PACRG: variants seen among roughly 807,000 people sequenced by gnomAD.
The protein encoded by PACRG is parkin coregulated.
In PACRG, 29 loss-of-function variants were observed where a neutral mutation model predicts 29.7. That is an observed-to-expected ratio of 0.98 (90% confidence interval 0.73 to 1.33). The LOEUF is 1.33. Among genes scored for constraint, PACRG ranks in the 40% most tolerant of loss-of-function variants. PACRG has a pLI of 0.00. For missense variants in PACRG, 279 were observed against 316.2 expected (o/e 0.88, Z 0.89); for synonymous variants, 116 against 118.7 (o/e 0.98, Z 0.15).
chr6:162,800,826 A>G (rs1248598354), intron 1 of PACRG, among the ~76,000 whole-genome samples: 1 of 152,146 alleles, frequency 6.6e-6, no homozygotes, highest in East Asian at 1.9e-4. Flanking sequence ...TGTTGCCTGT[A>G]GTGCCTTATT....
intron 2 of PACRG, among the ~76,000 whole-genome samples, chr6:162,838,940 G>T (rs1789502285): frequency 1.4e-5 from 2 of 143,770 alleles, no homozygotes; most frequent in Non-Finnish European, 1.5e-5. Context: ...TTTTATGGCT[G>T]CATAGTATTC....
intron 4 of PACRG, among the ~76,000 whole-genome samples, chr6:163,240,538 C>T (rs897270797): frequency 1.3e-5 from 2 of 152,058 alleles, no homozygotes; most frequent in Admixed American, 1.3e-4. Context: ...TGGGGTGACT[C>T]CCACCTCCTT....
In PACRG at chr6:163,098,760, G is replaced by A. The variant is rs150647199; in HGVS notation, c.613+9352G>A. 4.6e-3 allele frequency among the ~76,000 whole-genome samples: 704 copies of A among 152,304 alleles called. 13 individuals are homozygous for A. The East Asian group carries it at 0.065, about 14-fold the overall frequency. On this transcript the variant is annotated intron_variant, in intron 4 of 4. Transcript: ENST00000366888. ...TACTCCATAGACAGAGCAGCCCCAA[G>A]GGCTGCTGGTTGCCCATTTTTATGG...
intron 4 of PACRG, among the ~76,000 whole-genome samples, chr6:163,138,741 C>A (rs941156981): frequency 2.0e-5 from 3 of 152,310 alleles, no homozygotes; most frequent in East Asian, 3.9e-4. Context: ...GGGTTGGAGA[C>A]CCTGCTTGGA....
chr6:163,181,171 G>T (rs1268868341), intron 4 of PACRG, among the ~76,000 whole-genome samples: 1 of 152,140 alleles, frequency 6.6e-6, no homozygotes, highest in East Asian at 1.9e-4. Flanking sequence ...CTGGAACCAG[G>T]GTCTGAAACC....
In PACRG at chr6:162,950,348, GA is replaced by G. The variant is rs200078156; in HGVS notation, c.292-111792del. Reference sequence around the variant, plus strand: ...CCGTCTCTACTAAAAATACAAAAAAGAAAAAAAAAATTAGCCGGGCGTGGTG... The same window carrying G: ...CCGTCTCTACTAAAAATACAAAAAAGAAAAAAAAATTAGCCGGGCGTGGTG... On this transcript the variant is annotated intron_variant, in intron 2 of 4. Coordinates refer to ENST00000366888, the MANE Select transcript of PACRG (RefSeq NM_001080379.2). 3.1e-4 allele frequency among the ~76,000 whole-genome samples: 46 copies of G among 149,356 alleles called. No homozygotes were observed. In the Middle Eastern group the frequency reaches 0.01, roughly 34 times the overall value.
At chr6:163,015,002 T>C (rs1199427891) in intron 2 of PACRG, among the ~76,000 whole-genome samples, 1 of 152,240 alleles carries the variant, frequency 6.6e-6, no homozygotes, top group Non-Finnish European at 1.5e-5. Context: ...AAATTCTCAA[T>C]TCATCTTGAG....
chr6:163,312,943 T>G (rs745965792), intron 4 of PACRG: 1 of 263,676 alleles, frequency 3.8e-6, no homozygotes, highest in Non-Finnish European at 7.5e-6. Context: ...TTTATAGAGA[T>G]GGGGTCTTGC....
intron 4 of PACRG, among the ~76,000 whole-genome samples, chr6:163,264,606 G>A (rs1783458004): frequency 6.6e-6 from 1 of 152,188 alleles, no homozygotes; most frequent in Admixed American, 6.5e-5. Flanking sequence ...AGAGATTGGT[G>A]GGGCAGCTGA....
intron 1 of PACRG, among the ~76,000 whole-genome samples, chr6:162,809,523 G>A (rs1192941337): frequency 2.6e-5 from 4 of 152,234 alleles, no homozygotes; most frequent in East Asian, 1.9e-4. Flanking sequence ...TATCTATATC[G>A]ATTTATGAAT....
chr6:162,824,111 C>T (rs1192173385), intron 2 of PACRG, among the ~76,000 whole-genome samples: 2 of 152,102 alleles, frequency 1.3e-5, no homozygotes, highest in Non-Finnish European at 2.9e-5. Context: ...CTTTCTAGGA[C>T]AGAATGCAAT....
At chr6:162,801,075 G>T (rs1204534142) in intron 1 of PACRG, among the ~76,000 whole-genome samples, 1 of 152,172 alleles carries the variant, frequency 6.6e-6, no homozygotes, top group Non-Finnish European at 1.5e-5. Context: ...TGAAAAACCA[G>T]CTGTAGTACC....
intron 1 of PACRG, among the ~76,000 whole-genome samples, chr6:162,774,158 A>G (rs1783459654): frequency 6.6e-6 from 1 of 152,168 alleles, no homozygotes; most frequent in South Asian, 2.1e-4. Flanking sequence ...GACTAAATCT[A>G]GAAACAAGAT....
rs1426031436 is a variant in PACRG at position 163,187,001 on chromosome 6, C to T, written c.613+97593C>T. On this transcript the variant is annotated intron_variant, in intron 4 of 4. Transcript: ENST00000366888. ...CCACTTCACGGGCTCTGTCTCCTCT[C>T]CAGGCACCTGCTCTGCAGGGAGGGA... Among the ~76,000 whole-genome samples the T allele has an allele frequency of 2.6e-5, 4 of 152,360 alleles. No individual in the cohort carries two copies. The East Asian group carries it at 7.7e-4, about 29-fold the overall frequency.
chr6:162,921,571 C>T (rs867874332), intron 2 of PACRG, among the ~76,000 whole-genome samples: 1 of 152,162 alleles, frequency 6.6e-6, no homozygotes, highest in Non-Finnish European at 1.5e-5. Context: ...GAGGCTGACT[C>T]TTGCTGTGGG....
intron 2 of PACRG, among the ~76,000 whole-genome samples, chr6:162,964,233 T>C (rs997068062): frequency 6.6e-6 from 1 of 152,172 alleles, no homozygotes; most frequent in Admixed American, 6.5e-5. Flanking sequence ...AATTACTTAA[T>C]ATCATTAAAA....
intron 4 of PACRG, among the ~76,000 whole-genome samples, chr6:163,147,105 C>G (rs2128336734): frequency 6.6e-6 from 1 of 152,252 alleles, no homozygotes; most frequent in South Asian, 2.1e-4. Flanking sequence ...TTGAGGACAT[C>G]TTATCCTCCT....
intron 3 of PACRG, among the ~76,000 whole-genome samples, chr6:163,072,476 G>A (rs1051927649): frequency 4.6e-5 from 7 of 151,964 alleles, no homozygotes; most frequent in Non-Finnish European, 7.4e-5. Flanking sequence ...TAAAAGCCAC[G>A]TACGACAGAC....
chr6:162,800,532 G>A (rs1785768589), intron 1 of PACRG, among the ~76,000 whole-genome samples: 1 of 152,134 alleles, frequency 6.6e-6, no homozygotes, highest in African/African-American at 2.4e-5. Context: ...ATGTCATACA[G>A]TTATTACAGA....
Sources: gnomAD v4.1 joint callset for allele counts (sites outside exome capture counted in the v4.1 genomes callset) on GRCh38, gnomAD v4.1.1 for gene constraint, MANE v1.5 for transcripts, NCBI Gene and HGNC (gene_info 2026-07-23, HGNC 2026-07-21) for gene names.